The following MAPK14 variants were observed in gnomAD, a reference collection of about 807,000 sequenced individuals.
MAPK14 encodes the protein mitogen-activated protein kinase 14.
In MAPK14, 16 loss-of-function variants were observed where a neutral mutation model predicts 49.6. That is an observed-to-expected ratio of 0.32 (90% CI 0.22 to 0.49). MAPK14 has a LOEUF of 0.49. Among genes scored for constraint, MAPK14 ranks in the 20% least tolerant of loss-of-function variants. The probability of loss-of-function intolerance (pLI) is 0.99; values close to 1 mark genes in which losing one functional copy is unlikely to be tolerated. For synonymous variants in MAPK14, 142 were observed against 158.0 expected (o/e 0.90, Z 0.76); for missense variants, 200 against 441.2 (o/e 0.45, Z 4.90).
At chr6:36,096,874 C>T (rs1456663895) in intron 9 of MAPK14, 1 of 152,222 alleles carries the variant, frequency 6.6e-6, no homozygotes, top group Non-Finnish European at 1.5e-5. Context: ...TTTTCTTGGG[C>T]CAGAGGCATG....
chr6:36,055,372 T>A (rs927117265), intron 2 of MAPK14, among the ~76,000 whole-genome samples: 1 of 152,260 alleles, frequency 6.6e-6, no homozygotes, highest in Non-Finnish European at 1.5e-5. Context: ...TTGTTAAATA[T>A]GCTAAATATT....
chr6:36,088,413 G>GA (rs1330721275), intron 8 of MAPK14, among the ~76,000 whole-genome samples: 6 of 151,996 alleles, frequency 3.9e-5, no homozygotes, highest in Non-Finnish European at 7.4e-5. Context: ...AATTTACAAG[G>GA]AAAAAACCCA....
At chr6:36,120,614 G>A in the MAPK14 span, among the ~76,000 whole-genome samples, 27 of 151,916 alleles carry the variant, frequency 1.8e-4, no homozygotes, top group African/African-American at 5.3e-4. Context: ...GGCTGTTTTC[G>A]CGTTTTCACT....
chr6:36,078,130 T>G (rs559858611), intron 8 of MAPK14, among the ~76,000 whole-genome samples: 3 of 152,354 alleles, frequency 2.0e-5, no homozygotes, highest in African/African-American at 7.2e-5. Flanking sequence ...ATTTCCTGGA[T>G]TTAGATCTTA....
chr6:36,060,124 A>G (rs939135321), intron 3 of MAPK14, among the ~76,000 whole-genome samples: 3 of 152,198 alleles, frequency 2.0e-5, no homozygotes, highest in South Asian at 2.1e-4. Flanking sequence ...GAAAGCTTCT[A>G]TGAGTATATG....
the MAPK14 span, among the ~76,000 whole-genome samples, chr6:36,122,943 C>T: frequency 2.0e-5 from 3 of 152,042 alleles, no homozygotes; most frequent in East Asian, 1.9e-4. Context: ...AGAATGTGGA[C>T]GTCACAAAGC....
intron 1 of MAPK14, among the ~76,000 whole-genome samples, chr6:36,037,120 A>G (rs1412461533): frequency 6.6e-6 from 1 of 152,206 alleles, no homozygotes; most frequent in African/African-American, 2.4e-5. Context: ...AATAGACTAC[A>G]GTATCATGTA....
chr6:36,114,059 TG>T (rs1370163375), downstream of MAPK14, among the ~76,000 whole-genome samples: 1 of 152,228 alleles, frequency 6.6e-6, no homozygotes, highest in Non-Finnish European at 1.5e-5. Flanking sequence ...TTATTTGTTG[TG>T]GAAGCTGTCC....
downstream of MAPK14, among the ~76,000 whole-genome samples, chr6:36,113,998 C>CT (rs758253813): frequency 2.6e-5 from 4 of 152,196 alleles, no homozygotes; most frequent in Admixed American, 1.3e-4. Context: ...TTTTAAGGAT[C>CT]TTAAGCAGGA....
chr6:36,064,270 G>GCCCCCC (rs3045917), intron 3 of MAPK14, among the ~76,000 whole-genome samples: 13 of 124,752 alleles, frequency 1.0e-4, no homozygotes, highest in African/African-American at 1.2e-4. Flanking sequence ...GAGCCACCAT[G>GCCCCCC]CCCCCCCCCA....
intron 8 of MAPK14, among the ~76,000 whole-genome samples, chr6:36,093,148 T>G (rs1357073755): frequency 6.6e-6 from 1 of 152,136 alleles, no homozygotes; most frequent in Middle Eastern, 3.2e-3. Context: ...AAATAAGTAC[T>G]TGGAAGCTTA....
intron 1 of MAPK14, among the ~76,000 whole-genome samples, chr6:36,035,154 C>T (rs1762693426): frequency 6.6e-6 from 1 of 152,102 alleles, no homozygotes; most frequent in South Asian, 2.1e-4. Context: ...GCCTTGGCCT[C>T]CCAAAGTGCT....
intron 10 of MAPK14, among the ~76,000 whole-genome samples, chr6:36,104,801 T>A (rs1388986964): frequency 6.6e-6 from 1 of 152,190 alleles, no homozygotes; most frequent in Admixed American, 6.5e-5. Context: ...GAAAGATGTG[T>A]TAATTCATTT....
rs1418969692 is a variant in MAPK14 at position 36,110,702 on chromosome 6, G to GCC, written c.*2256_*2257dup. ...CATGAACTTGGCTGTAATCAGTTAT[G>GCC]CCGTATAGGATGTCAGACAATACCA... On this transcript the variant is annotated 3_prime_UTR_variant, in exon 12 of 12. Transcript: ENST00000229794. The GCC allele has an allele frequency of 1.2e-4, 19 of 152,430 alleles. No individual in the cohort carries two copies. The highest frequency in any genetic ancestry group is 1.2e-4 in the Non-Finnish European group (8 of 68,038). The allele number at this position is 152,430 out of a possible 1,614,324, so 9.4% of individuals were successfully genotyped here.
chr6:36,101,616 C>T lies in MAPK14; in HGVS notation c.763-955C>T, dbSNP rs534427627. Among the ~76,000 whole-genome samples the T allele has an allele frequency of 6.6e-5, 10 of 152,086 alleles. No homozygotes were observed. In the South Asian group the frequency reaches 1.0e-3, roughly 16 times the overall value. On this transcript the variant is annotated intron_variant, in intron 9 of 11. Coordinates refer to ENST00000229794, the MANE Select transcript of MAPK14 (RefSeq NM_139012.3). ...CCTGGGCTCCATCTCCCTGCTCAAG[C>T]GATCCTGTTACCTCAGTCTCCCAAG...
intron 3 of MAPK14, among the ~76,000 whole-genome samples, chr6:36,065,926 C>T (rs1764036755): frequency 6.6e-6 from 1 of 152,174 alleles, no homozygotes; most frequent in Admixed American, 6.5e-5. Flanking sequence ...AATGATGCTT[C>T]TCATTGTTAA....
At chr6:36,033,424 C>A (rs997862693) in intron 1 of MAPK14, among the ~76,000 whole-genome samples, 19 of 151,704 alleles carry the variant, frequency 1.3e-4, no homozygotes, top group African/African-American at 4.4e-4. Context: ...TCAAGCAATT[C>A]TCCTGCCTCA....
chr6:36,093,084 G>A (rs1253182373), intron 8 of MAPK14, among the ~76,000 whole-genome samples: 2 of 152,168 alleles, frequency 1.3e-5, no homozygotes, highest in Non-Finnish European at 2.9e-5. Context: ...AATAGGAATA[G>A]AAAAGGCTTG....
chr6:36,094,483 A>C (rs1025763570), intron 8 of MAPK14, among the ~76,000 whole-genome samples: 3 of 152,208 alleles, frequency 2.0e-5, no homozygotes, highest in African/African-American at 7.2e-5. Context: ...CCAGCCTAGA[A>C]TTTTCTTCCA....
Sources: gnomAD v4.1 joint callset for allele counts (sites outside exome capture counted in the v4.1 genomes callset) on GRCh38, gnomAD v4.1.1 for gene constraint, MANE v1.5 for transcripts, NCBI Gene and HGNC (gene_info 2026-07-23, HGNC 2026-07-21) for gene names.